The following RAB27A variants were observed in gnomAD, a reference collection of about 807,000 sequenced individuals.
RAB27A encodes RAB27A, member RAS oncogene family.
RAB27A carries 17 observed loss-of-function variants against 20.8 expected under a neutral mutation model. That is an observed-to-expected ratio of 0.82 (90% CI 0.56 to 1.23). The LOEUF is 1.23. Ranked by LOEUF, RAB27A falls within the 50% of genes most tolerant of loss-of-function variation. The pLI, the probability that RAB27A is intolerant of heterozygous loss-of-function variation, is 0.00. For synonymous variants in RAB27A, 85 were observed against 92.8 expected, an observed-to-expected ratio of 0.92 and a Z score of 0.48; for missense variants, 277 against 266.7, an observed-to-expected ratio of 1.04 and a Z score of -0.27.
intron 2 of RAB27A, among the ~76,000 whole-genome samples, chr15:55,244,214 T>C (rs1595710052): frequency 6.6e-6 from 1 of 151,714 alleles, no homozygotes; most frequent in East Asian, 1.9e-4. Context: ...CTCAGCGGGG[T>C]TGAGGCAGGA....
intron 2 of RAB27A, among the ~76,000 whole-genome samples, chr15:55,263,369 G>A (rs1019875773): frequency 4.2e-5 from 6 of 142,858 alleles, no homozygotes; most frequent in African/African-American, 1.6e-4. Flanking sequence ...AGTCGCTCCC[G>A]TCTTGGGCTT....
At chr15:55,261,878 A>C (rs571478708) in intron 2 of RAB27A, among the ~76,000 whole-genome samples, 1 of 151,862 alleles carries the variant, frequency 6.6e-6, no homozygotes, top group Non-Finnish European at 1.5e-5. Context: ...TCTCTACTAA[A>C]GATACAAAAT....
At chr15:55,287,426 C>T (rs887796486) in intron 1 of RAB27A, among the ~76,000 whole-genome samples, 2 of 152,126 alleles carry the variant, frequency 1.3e-5, no homozygotes, top group South Asian at 2.1e-4. Context: ...AGAACCAAAA[C>T]AATAGAAATT....
At chr15:55,214,163 G>A (rs536768240) in intron 6 of RAB27A, among the ~76,000 whole-genome samples, 20 of 152,310 alleles carry the variant, frequency 1.3e-4, no homozygotes, top group East Asian at 3.9e-4. Flanking sequence ...GAGGCCGGGC[G>A]CGATGGCTGA....
chr15:55,289,599 G>C (rs917622319), intron 1 of RAB27A, 117 bp downstream of exon 1: 3 of 25,298 alleles, frequency 1.2e-4, no homozygotes, highest in African/African-American at 6.4e-4. Context: ...TGGAGGCGGG[G>C]AGGAAGGGCG....
intron 2 of RAB27A, among the ~76,000 whole-genome samples, chr15:55,301,654 T>TG (rs2054972662): frequency 6.7e-6 from 1 of 149,730 alleles, no homozygotes; most frequent in East Asian, 2.0e-4. Context: ...TCTTTTTTTT[T>TG]TTTTTTTTTT....
intron 1 of RAB27A, chr15:55,288,877 G>A (rs1268298432): frequency 6.6e-6 from 1 of 151,192 alleles, no homozygotes; most frequent in East Asian, 1.9e-4. Flanking sequence ...AATTAGCAAT[G>A]ATTACAGAAA....
upstream of RAB27A, among the ~76,000 whole-genome samples, chr15:55,294,226 A>C (rs1311883906): frequency 6.6e-6 from 1 of 152,204 alleles, no homozygotes; most frequent in Non-Finnish European, 1.5e-5. Context: ...TATAGTCAAG[A>C]TCTTTCAATG....
intron 2 of RAB27A, 54 bp downstream of exon 2, chr15:55,270,111 T>C (rs1897657131): frequency 6.6e-6 from 1 of 151,528 alleles, no homozygotes; most frequent in Non-Finnish European, 1.5e-5. Flanking sequence ...AAAATTGACA[T>C]GACAGAGCTC....
chr15:55,291,778 A>C (rs1351421551), upstream of RAB27A, among the ~76,000 whole-genome samples: 4 of 151,948 alleles, frequency 2.6e-5, no homozygotes, highest in Non-Finnish European at 5.9e-5. Context: ...CCATTCATTC[A>C]CTCATTCATC....
At chr15:55,311,399 C>T (rs779018204) in intron 2 of RAB27A, among the ~76,000 whole-genome samples, 25 of 152,084 alleles carry the variant, frequency 1.6e-4, no homozygotes, top group South Asian at 1.0e-3. Flanking sequence ...TGGGCATAAT[C>T]GGGGAAAATT....
intron 2 of RAB27A, among the ~76,000 whole-genome samples, chr15:55,258,115 T>C (rs1897149485): frequency 6.6e-6 from 1 of 150,568 alleles, no homozygotes; most frequent in Admixed American, 6.6e-5. Context: ...GGAGTTGTAG[T>C]ATCACTTTCC....
intron 1 of RAB27A, among the ~76,000 whole-genome samples, chr15:55,280,505 A>T (rs1267810096): frequency 1.3e-4 from 14 of 110,756 alleles, no homozygotes; most frequent in Middle Eastern, 4.1e-3. Flanking sequence ...GGTATGGTTT[A>T]TATATATATA....
chr15:55,312,369 G>C (rs1040310237), intron 2 of RAB27A, among the ~76,000 whole-genome samples: 6 of 152,198 alleles, frequency 3.9e-5, no homozygotes, highest in African/African-American at 1.4e-4. Context: ...GACCCAAAGA[G>C]GGTAGCCCTG....
At chr15:55,299,625 G>C (rs1480781862) in intron 2 of RAB27A, among the ~76,000 whole-genome samples, 1 of 148,488 alleles carries the variant, frequency 6.7e-6, no homozygotes. Context: ...AGTTGTGAAA[G>C]GCAGTGACTG....
intron 1 of RAB27A, among the ~76,000 whole-genome samples, chr15:55,276,447 G>C (rs1055892824): frequency 6.6e-6 from 1 of 152,212 alleles, no homozygotes; most frequent in African/African-American, 2.4e-5. Flanking sequence ...GGCCACTCCT[G>C]TAGCCCCAGC....
intron 1 of RAB27A, among the ~76,000 whole-genome samples, chr15:55,286,914 T>C (rs1367676799): frequency 3.9e-4 from 6 of 15,304 alleles, no homozygotes; most frequent in African/African-American, 5.1e-4. Context: ...GATGTATTCT[T>C]TTTTTTTTTT....
At chr15:55,316,570 A>G (rs552889434) in intron 1 of RAB27A, among the ~76,000 whole-genome samples, 1 of 151,740 alleles carries the variant, frequency 6.6e-6, no homozygotes, top group South Asian at 2.1e-4. Context: ...CGTTCAGCAC[A>G]TGTATCCCAG....
At chr15:55,229,771 G>T (rs529508955) in intron 4 of RAB27A, among the ~76,000 whole-genome samples, 10 of 152,242 alleles carry the variant, frequency 6.6e-5, no homozygotes, top group African/African-American at 2.4e-4. Context: ...ATATGGTAAG[G>T]GGGTGGGGTG....
Sources: gnomAD v4.1 joint callset for allele counts (sites outside exome capture counted in the v4.1 genomes callset) on GRCh38, gnomAD v4.1.1 for gene constraint, MANE v1.5 for transcripts, NCBI Gene and HGNC (gene_info 2026-07-23, HGNC 2026-07-21) for gene names.